The following LIFR variants were observed in gnomAD, a reference collection of about 807,000 sequenced individuals.
LIFR encodes leukemia inhibitory factor receptor.
In LIFR, 84 loss-of-function variants were observed where a neutral mutation model predicts 122.2. The ratio of observed to expected loss-of-function variants is 0.69; its 90% CI spans 0.58 to 0.82. The LOEUF is 0.82. Among genes scored for constraint, LIFR ranks in the 40% least tolerant of loss-of-function variants. The pLI, the probability that LIFR is intolerant of heterozygous loss-of-function variation, is 0.00. For missense variants in LIFR, 1,294 were observed against 1,311.6 expected (o/e 0.99, Z 0.21); for synonymous variants, 422 against 434.7 (o/e 0.97, Z 0.36).
In LIFR at chr5:38,584,179, T is replaced by C. The variant is rs557607802; in HGVS notation, c.-20+11082A>G. 8.5e-5 allele frequency among the ~76,000 whole-genome samples: 13 copies of C among 152,300 alleles called. No homozygotes were observed. The South Asian group carries it at 2.1e-3, about 24-fold the overall frequency. On this transcript the variant is annotated intron_variant, in intron 1 of 19. Transcript: ENST00000263409. Reference sequence around the variant, plus strand: ...CACCCTTTTGATAATAGGACTATTATTGAAAAGTCAAGAAATAACAAATAT... The same window carrying C: ...CACCCTTTTGATAATAGGACTATTACTGAAAAGTCAAGAAATAACAAATAT...
At chr5:38,492,295 G>A (rs972193608) in intron 14 of LIFR, among the ~76,000 whole-genome samples, 10 of 152,050 alleles carry the variant, frequency 6.6e-5, no homozygotes, top group African/African-American at 2.4e-4. Flanking sequence ...CACAATCATC[G>A]CGGGGCAGCT....
intron 4 of LIFR, among the ~76,000 whole-genome samples, chr5:38,525,740 G>A (rs138181497): frequency 3.9e-5 from 6 of 152,300 alleles, no homozygotes; most frequent in African/African-American, 1.2e-4. Flanking sequence ...TTGATTTAGT[G>A]CCAGGACAGG....
At chr5:38,602,589 G>C (rs1208194046) in intron 2 of LIFR, among the ~76,000 whole-genome samples, 1 of 151,778 alleles carries the variant, frequency 6.6e-6, no homozygotes, top group African/African-American at 2.4e-5. Flanking sequence ...CCTTGTTTAG[G>C]TTTTTATCTT....
At chr5:38,601,314 C>G (rs948999467) in intron 2 of LIFR, among the ~76,000 whole-genome samples, 1 of 152,184 alleles carries the variant, frequency 6.6e-6, no homozygotes, top group Non-Finnish European at 1.5e-5. Context: ...CCTTCCCAGC[C>G]TCTAGAACTG....
intron 7 of LIFR, among the ~76,000 whole-genome samples, chr5:38,507,400 C>T (rs191011374): frequency 6.6e-6 from 1 of 151,642 alleles, no homozygotes; most frequent in Admixed American, 6.6e-5. Flanking sequence ...CCCGTCTCCA[C>T]TAAAAATACA....
chr5:38,581,217 C>T (rs1339490313), intron 1 of LIFR, among the ~76,000 whole-genome samples: 1 of 151,068 alleles, frequency 6.6e-6, no homozygotes, highest in Non-Finnish European at 1.5e-5. Flanking sequence ...AATCATCTTT[C>T]TAAGAAAAAA....
chr5:38,482,301 T>C (rs1297670862), intron 19 of LIFR, 83 bp from the exon 20 acceptor site: 8 of 1,365,464 alleles, frequency 5.9e-6, no homozygotes, highest in African/African-American at 4.4e-5. Flanking sequence ...GACACATTTT[T>C]CCCCAATCTG....
intron 5 of LIFR, among the ~76,000 whole-genome samples, chr5:38,512,494 G>A (rs978684184): frequency 2.0e-5 from 3 of 151,442 alleles, no homozygotes; most frequent in African/African-American, 7.3e-5. Flanking sequence ...AATAAAATTA[G>A]CCAGGCATGC....
At chr5:38,526,646 T>C (rs1746703569) in intron 4 of LIFR, among the ~76,000 whole-genome samples, 1 of 152,164 alleles carries the variant, frequency 6.6e-6, no homozygotes, top group Non-Finnish European at 1.5e-5. Flanking sequence ...ATCTCCTCCG[T>C]TCCTTACACT....
At chr5:38,506,903 CT>C (rs1291059266) in intron 7 of LIFR, among the ~76,000 whole-genome samples, 2 of 152,220 alleles carry the variant, frequency 1.3e-5, no homozygotes, top group South Asian at 2.1e-4. Context: ...TCAGTTGTCA[CT>C]TTTTTTCCCT....
chr5:38,494,559 T>C (rs1744777986), intron 13 of LIFR, among the ~76,000 whole-genome samples: 1 of 151,880 alleles, frequency 6.6e-6, no homozygotes, highest in Non-Finnish European at 1.5e-5. Flanking sequence ...AGGTAAGAAG[T>C]GGAACCCCAG....
intron 11 of LIFR, among the ~76,000 whole-genome samples, chr5:38,500,753 C>A (rs1284834501): frequency 6.6e-6 from 1 of 152,216 alleles, no homozygotes; most frequent in African/African-American, 2.4e-5. Context: ...GCAAAAACTA[C>A]AGTGGCTAGT....
chr5:38,509,203 T>C lies in LIFR; in HGVS notation c.991+1261A>G, dbSNP rs75815367. On this transcript the variant is annotated intron_variant, in intron 7 of 19. Coordinates refer to ENST00000453190, the MANE Select transcript of LIFR (RefSeq NM_001127671.2). ...AAGTTTTAATTTCTTCTTTCATACT[T>C]TTAAGTAATAGCTCACTTTTGGTAC... Among the ~76,000 whole-genome samples the C allele has an allele frequency of 9.3e-4, 142 of 152,336 alleles. 1 individual carries two copies. The East Asian group carries it at 0.025, about 27-fold the overall frequency.
At chr5:38,592,787 A>G (rs1487202747) in intron 1 of LIFR, among the ~76,000 whole-genome samples, 1 of 152,240 alleles carries the variant, frequency 6.6e-6, no homozygotes, top group African/African-American at 2.4e-5. Flanking sequence ...TTGTATGGAT[A>G]TATAATGGTT....
At chr5:38,530,755 A>T in intron 1 of LIFR, 89 bp from the exon 2 acceptor site, 19 of 1,139,842 alleles carry the variant, frequency 1.7e-5, no homozygotes, top group East Asian at 2.3e-5. Context: ...ATAGATTCTG[A>T]CAGATTCTGA....
At chr5:38,537,395 T>C (rs1033729009) in intron 1 of LIFR, among the ~76,000 whole-genome samples, 1 of 152,190 alleles carries the variant, frequency 6.6e-6, no homozygotes, top group Non-Finnish European at 1.5e-5. Context: ...CTATCATACT[T>C]TAGAGTAACA....
At chr5:38,527,331 A>G (rs780274500) in intron 3 of LIFR, 37 bp from the exon 4 acceptor site, 28 of 1,302,468 alleles carry the variant, frequency 2.1e-5, no homozygotes, top group Non-Finnish European at 3.0e-5. Flanking sequence ...AGCAAATAAA[A>G]TTAATAGTAT....
chr5:38,529,708 G>C (rs1171903531), intron 2 of LIFR, among the ~76,000 whole-genome samples: 2 of 152,034 alleles, frequency 1.3e-5, no homozygotes, highest in Admixed American at 1.3e-4. Flanking sequence ...GAATAAAAAA[G>C]GTAGTCCATC....
chr5:38,603,287 T>C (rs1382224266), intron 2 of LIFR, among the ~76,000 whole-genome samples: 3 of 152,240 alleles, frequency 2.0e-5, no homozygotes, highest in African/African-American at 7.2e-5. Context: ...AGTTGAATTC[T>C]TTCTTCTGAA....
Sources: allele counts gnomAD v4.1 joint callset (sites outside exome capture counted in the v4.1 genomes callset), GRCh38; gene constraint gnomAD v4.1.1; transcripts MANE v1.5; gene names NCBI Gene and HGNC (gene_info 2026-07-23, HGNC 2026-07-21).